PPM1D: variants seen among roughly 807,000 people sequenced by gnomAD.
PPM1D encodes the protein protein phosphatase 1D.
Under a neutral mutation model 58.3 loss-of-function variants are expected in PPM1D, and 52 were observed. The ratio of observed to expected loss-of-function variants is 0.89; its 90% confidence interval spans 0.71 to 1.12. The LOEUF is 1.12. PPM1D is among the 50% of genes most tolerant of loss of function. The pLI is 0.00. For synonymous variants in PPM1D, 278 were observed against 285.1 expected (o/e 0.98, Z 0.25); for missense variants, 564 against 777.2 (o/e 0.73, Z 3.26).
rs2031605803 is a variant in PPM1D, at chr17:60,665,710, C to T, written c.*2158C>T. 1 of 152,136 alleles carries T rather than the reference C, an allele frequency of 6.6e-6. No individual in the cohort carries two copies. Among genetic ancestry groups the T allele is most frequent in the South Asian group, 2.1e-4 (1 of 4,834 alleles). The allele number at this position is 152,136 out of a possible 1,614,324, so 9.4% of individuals were successfully genotyped here. A position where few individuals can be genotyped will look rare whatever the true frequency, so the allele number is the denominator to read the frequency against. ...CCTCAGAAATCTGAGAGTGGTTTAG[C>T]TGGGTGATAGTCTCGTGGTTTTGGT... On this transcript the variant is annotated 3_prime_UTR_variant, in exon 6 of 6. Coordinates refer to ENST00000305921, the MANE Select transcript of PPM1D (RefSeq NM_003620.4).
intron 5 of PPM1D, among the ~76,000 whole-genome samples, chr17:60,658,776 A>G (rs899214410): frequency 6.6e-6 from 1 of 152,072 alleles, no homozygotes; most frequent in African/African-American, 2.4e-5. Context: ...ATCTTAGCCA[A>G]CATGGTGAAA....
In PPM1D at chr17:60,630,432, C is replaced by A. The variant is rs144686183; in HGVS notation, c.702-3421C>A. ...TACTCCGCTATTTTGGAGCAGGTAA[C>A]TTTTTGCAAAAATTGAGCTATTTTA... On this transcript the variant is annotated intron_variant, in intron 2 of 5. Coordinates refer to ENST00000305921, the MANE Select transcript of PPM1D (RefSeq NM_003620.4). Among the ~76,000 whole-genome samples the A allele has an allele frequency of 1.3e-3, 197 of 152,232 alleles. 1 individual carries two copies. The highest frequency in any genetic ancestry group is 4.4e-3 in the African/African-American group (181 of 41,556).
rs762880566 is a variant in PPM1D at position 60,607,663 on chromosome 17, T to C, written c.472+6777T>C. Among the ~76,000 whole-genome samples the C allele has an allele frequency of 3.3e-5, 5 of 152,262 alleles. 1 individual carries two copies. Among genetic ancestry groups the C allele is most frequent in the Non-Finnish European group, 7.3e-5 (5 of 68,050 alleles). ...TTACTTATTGGAAATAATGTTTTCATTGTCCCTTCTTTTGATAGTTTAAAG... is the reference window on the plus strand; with the variant it reads ...TTACTTATTGGAAATAATGTTTTCACTGTCCCTTCTTTTGATAGTTTAAAG... On this transcript the variant is annotated intron_variant, in intron 1 of 5. Transcript: ENST00000305921.
At chr17:60,623,778 T>A in intron 2 of PPM1D, 29 bp downstream of exon 2, 2 of 1,603,450 alleles carry the variant, frequency 1.2e-6, no homozygotes, top group Non-Finnish European at 1.7e-6. Flanking sequence ...CTCTTTCCTC[T>A]TTTGGTTCTA....
chr17:60,627,549 GTA>G (rs1025940035), intron 2 of PPM1D, among the ~76,000 whole-genome samples: 23 of 152,036 alleles, frequency 1.5e-4, no homozygotes, highest in African/African-American at 5.5e-4. Context: ...AGCCTCCTGA[GTA>G]GCTGGGATTA....
chr17:60,622,087 G>A (rs2030718669), intron 1 of PPM1D, among the ~76,000 whole-genome samples: 1 of 151,204 alleles, frequency 6.6e-6, no homozygotes, highest in Non-Finnish European at 1.5e-5. Context: ...CTATTTGGGA[G>A]GCTGAGGCAG....
chr17:60,605,512 G>T (rs1195422236), intron 1 of PPM1D, among the ~76,000 whole-genome samples: 2 of 152,152 alleles, frequency 1.3e-5, no homozygotes, highest in Admixed American at 1.3e-4. Flanking sequence ...GAGTTTAGTT[G>T]AATTTCTGTT....
intron 3 of PPM1D, among the ~76,000 whole-genome samples, chr17:60,638,131 A>G (rs550488099): frequency 6.6e-6 from 1 of 152,220 alleles, no homozygotes; most frequent in African/African-American, 2.4e-5. Flanking sequence ...CAGTGTTTTT[A>G]TAGAAGTTAC....
rs2031556180 is a variant in PPM1D at position 60,663,137 on chromosome 17, CA to C, written c.1407del (p.Asp470IlefsTer13). 6.2e-7 allele frequency: 1 copy of C among 1,613,982 alleles called. No homozygotes were observed. Among genetic ancestry groups the C allele is most frequent in the Non-Finnish European group, 8.5e-7 (1 of 1,180,004 alleles). On this transcript the variant is annotated frameshift_variant, in exon 6 of 6. Coordinates refer to ENST00000305921, the MANE Select transcript of PPM1D (RefSeq NM_003620.4). LOFTEE classifies it high-confidence loss of function. ...RENVQGVVIPSKDPEPLEENC... is the reference protein window; with the variant it reads ...RENVQGVVIPXKDPEPLEENC... ...AATGTCCAAGGTGTAGTCATACCCT[CA>C]AAAGATCCAGAACCACTTGAAGAAA...
chr17:60,628,790 A>G (rs1466617059), intron 2 of PPM1D, among the ~76,000 whole-genome samples: 2 of 151,814 alleles, frequency 1.3e-5, no homozygotes, highest in Admixed American at 1.3e-4. Flanking sequence ...AAAAAAAAAA[A>G]TGGACCTTGG....
intron 4 of PPM1D, among the ~76,000 whole-genome samples, chr17:60,652,550 G>GTTTTTTTTTTTTTTTTTTT (rs776162517): frequency 1.5e-5 from 1 of 67,628 alleles, no homozygotes; most frequent in Non-Finnish European, 2.7e-5. Flanking sequence ...GTTTACTTCT[G>GTTTTTTTTTTTTTTTTTTT]TTTTTTTTTT....
At chr17:60,658,205 T>TA (rs2031472823) in intron 5 of PPM1D, among the ~76,000 whole-genome samples, 3 of 152,216 alleles carry the variant, frequency 2.0e-5, no homozygotes, top group Admixed American at 2.0e-4. Context: ...TGTTCCCTTA[T>TA]AACTGACCTT....
intron 1 of PPM1D, among the ~76,000 whole-genome samples, chr17:60,618,867 TC>T (rs1194420797): frequency 2.6e-5 from 4 of 152,222 alleles, no homozygotes; most frequent in Non-Finnish European, 4.4e-5. Flanking sequence ...AATTAACACA[TC>T]CATCACCTCA....
chr17:60,627,442 G>A (rs2030832588), intron 2 of PPM1D, among the ~76,000 whole-genome samples: 1 of 150,504 alleles, frequency 6.6e-6, no homozygotes, highest in Admixed American at 6.6e-5. Context: ...TTTTTTTTGA[G>A]ACAGAGTCTT....
chr17:60,662,344 A>G (rs1174163561), intron 5 of PPM1D: 1 of 152,086 alleles, frequency 6.6e-6, no homozygotes, highest in Non-Finnish European at 1.5e-5. Flanking sequence ...GAAATAGGGA[A>G]CGCTTCATGA....
At chr17:60,653,517 C>G (rs932372787) in intron 4 of PPM1D, among the ~76,000 whole-genome samples, 2 of 152,086 alleles carry the variant, frequency 1.3e-5, no homozygotes, top group Non-Finnish European at 2.9e-5. Context: ...TTTGGCTATT[C>G]AGGATATTTT....
At chr17:60,618,153 A>T (rs2030623439) in intron 1 of PPM1D, among the ~76,000 whole-genome samples, 1 of 152,042 alleles carries the variant, frequency 6.6e-6, no homozygotes, top group African/African-American at 2.4e-5. Flanking sequence ...AGCCCTTATT[A>T]TTGTTTTAGA....
chr17:60,638,989 A>G (rs1473464165), intron 3 of PPM1D, among the ~76,000 whole-genome samples: 1 of 152,124 alleles, frequency 6.6e-6, no homozygotes, highest in Non-Finnish European at 1.5e-5. Flanking sequence ...TGGGGAGATA[A>G]TTTTTGAGTA....
At chr17:60,657,647 A>C (rs190687476) in intron 5 of PPM1D, among the ~76,000 whole-genome samples, 173 of 152,354 alleles carry the variant, frequency 1.1e-3, no homozygotes, top group African/African-American at 3.9e-3. Context: ...CAATACTTGG[A>C]AATGGATTAT....
Sources: gnomAD v4.1 joint callset for allele counts (sites outside exome capture counted in the v4.1 genomes callset) on GRCh38, gnomAD v4.1.1 for gene constraint, MANE v1.5 for transcripts, NCBI Gene and HGNC (gene_info 2026-07-23, HGNC 2026-07-21) for gene names.